ZNF133: variants seen among roughly 807,000 people sequenced by gnomAD.
ZNF133 encodes zinc finger protein 133 (clone pHZ-13).
Under a neutral mutation model 54.9 loss-of-function variants are expected in ZNF133, and 26 were observed. The observed-to-expected ratio is 0.47, with a 90% CI of 0.35 to 0.66. The LOEUF is 0.66. Ranked by LOEUF, ZNF133 falls within the 30% of genes least tolerant of loss-of-function variation. The pLI is 0.01. For missense variants in ZNF133, 653 were observed against 820.8 expected (o/e 0.80, Z 2.50); for synonymous variants, 298 against 320.3 (o/e 0.93, Z 0.74).
intron 6 of ZNF133, chr20:18,310,315 T>C: frequency 6.5e-7 from 1 of 1,531,048 alleles, no homozygotes; most frequent in Non-Finnish European, 8.7e-7. Flanking sequence ...AGGTATAAAA[T>C]ACATCTTAAC....
At chr20:18,310,023 A>G in intron 6 of ZNF133, 2 of 775,150 alleles carry the variant, frequency 2.6e-6, no homozygotes, top group Non-Finnish European at 3.4e-6. Context: ...TGACCTTTGT[A>G]CATTTACACA....
chr20:18,298,157 C>T, intron 2 of ZNF133, 95 bp downstream of exon 2: 3 of 1,524,240 alleles, frequency 2.0e-6, no homozygotes, highest in Non-Finnish European at 2.6e-6. Flanking sequence ...TAGAGTTCAG[C>T]TCCAATTCCT....
chr20:18,311,977 A>G (rs2046134434), intron 6 of ZNF133, among the ~76,000 whole-genome samples: 1 of 152,206 alleles, frequency 6.6e-6, no homozygotes, highest in Non-Finnish European at 1.5e-5. Context: ...CAAAATGCTT[A>G]GGACCATAAG....
chr20:18,295,360 A>G (rs1212842828), intron 1 of ZNF133: 1 of 152,474 alleles, frequency 6.6e-6, no homozygotes, highest in Non-Finnish European at 1.5e-5. Flanking sequence ...ATGAGGGAGG[A>G]AGAGGATACC....
In ZNF133 at chr20:18,315,090, A is replaced by G. The variant is rs368522460; in HGVS notation, c.239A>G (p.Tyr80Cys). The G allele has an allele frequency of 7.1e-6, 11 of 1,545,388 alleles. No homozygotes were observed. The African/African-American group carries it at 1.2e-4, about 17-fold the overall frequency. The part of the protein sequence containing the change: ...TCPADPEPEL[Y>C]LDPFCPPGFS... Reference sequence around the variant, plus strand: ...GCAGCAGATCCAGAGCCAGAGCTCTACCTCGATCCTTTCTGCCCTCCGGGT... The same window carrying G: ...GCAGCAGATCCAGAGCCAGAGCTCTGCCTCGATCCTTTCTGCCCTCCGGGT... The change falls in exon 7 of 7, where the codon TAC becomes TGC. Residue 80 changes from tyrosine to cysteine, a missense_variant. Coordinates refer to ENST00000425686, the MANE Select transcript of ZNF133 (RefSeq NM_001352452.2).
intron 6 of ZNF133, 48 bp from the exon 7 acceptor site, chr20:18,315,021 G>C: frequency 6.6e-7 from 1 of 1,504,540 alleles, no homozygotes; most frequent in Non-Finnish European, 8.9e-7. Context: ...TGATTGCTCA[G>C]GCTGCCCACT....
chr20:18,303,599 C>T (rs2043902942), intron 3 of ZNF133, among the ~76,000 whole-genome samples: 1 of 152,112 alleles, frequency 6.6e-6, no homozygotes, highest in African/African-American at 2.4e-5. Context: ...AACAGACTTA[C>T]AGACTAATAG....
chr20:18,302,696 TA>T (rs2043657221), intron 3 of ZNF133, among the ~76,000 whole-genome samples: 1 of 152,124 alleles, frequency 6.6e-6, no homozygotes, highest in African/African-American at 2.4e-5. Flanking sequence ...CCAGAGAAAA[TA>T]AGCAAGAAAA....
chr20:18,313,439 G>T (rs2046576248), intron 6 of ZNF133: 1 of 152,188 alleles, frequency 6.6e-6, no homozygotes, highest in Non-Finnish European at 1.5e-5. Context: ...AAGGGTGGGT[G>T]GGAGGTATTA....
chr20:18,299,516 A>G (rs2042919620), intron 3 of ZNF133, among the ~76,000 whole-genome samples: 1 of 152,206 alleles, frequency 6.6e-6, no homozygotes, highest in Non-Finnish European at 1.5e-5. Context: ...GGACAGAGAG[A>G]TTGTTTGAAG....
chr20:18,299,653 CA>C (rs769714063), intron 3 of ZNF133, among the ~76,000 whole-genome samples: 30 of 152,234 alleles, frequency 2.0e-4, no homozygotes, highest in South Asian at 4.2e-4. Context: ...ATCAAAGCAT[CA>C]AAAGCCAAAG....
At chr20:18,294,669 T>G (rs1264690544) in intron 1 of ZNF133, among the ~76,000 whole-genome samples, 2 of 152,190 alleles carry the variant, frequency 1.3e-5, no homozygotes, top group Admixed American at 6.5e-5. Flanking sequence ...TTTTGTTTTG[T>G]TTTTTGAAGA....
intron 1 of ZNF133, 125 bp from the exon 2 acceptor site, chr20:18,297,860 T>C (rs2147107325): frequency 1.7e-6 from 1 of 604,188 alleles, no homozygotes; most frequent in Middle Eastern, 2.9e-4. Context: ...TATCTTTTCC[T>C]TGCTTTATAC....
At chr20:18,290,624 T>G (rs1007186949) in intron 1 of ZNF133, among the ~76,000 whole-genome samples, 1 of 152,174 alleles carries the variant, frequency 6.6e-6, no homozygotes. Flanking sequence ...AAAAAAATCT[T>G]TTTTTTCCAC....
rs762156134 is a variant in ZNF133, at chr20:18,306,256, G to A, written c.122-42G>A. 7.6e-6 allele frequency: 12 copies of A among 1,576,264 alleles called. No individual in the cohort carries two copies. In the African/African-American group the frequency reaches 9.4e-5, roughly 12 times the overall value. On this transcript the variant is annotated intron_variant, in intron 5 of 6. Coordinates refer to ENST00000425686, the MANE Select transcript of ZNF133 (RefSeq NM_001352452.2). ...GCTTTGAATTCTTGAATGGGCTCTT[G>A]AGCCCATAACCTAGTTACTTATTTT...
chr20:18,315,780 A>G lies in ZNF133; in HGVS notation c.929A>G (p.Lys310Arg), dbSNP rs2047322244. ...GAGTGTGGGCGAGGCTTCAGCCAGA[A>G]GTCAAACCTCATCATACACCAGAGG... is the stretch of plus-strand genomic sequence containing the variant. ...CSECGRGFSQ[K>R]SNLIIHQRTH... The change falls in exon 7 of 7, where the codon AAG (lysine) becomes AGG (arginine). Residue 310 changes from lysine to arginine, a missense_variant. By Grantham distance (26) the Lys-to-Arg change is conservative (BLOSUM62 2). Coordinates refer to ENST00000425686, the MANE Select transcript of ZNF133 (RefSeq NM_001352452.2). 1 of 1,613,460 alleles carries G rather than the reference A, an allele frequency of 6.2e-7. No homozygotes were observed. The highest frequency in any genetic ancestry group is 8.5e-7 in the Non-Finnish European group (1 of 1,179,838).
chr20:18,304,513 A>G (rs2044166077), intron 3 of ZNF133, among the ~76,000 whole-genome samples: 1 of 152,252 alleles, frequency 6.6e-6, no homozygotes, highest in Non-Finnish European at 1.5e-5. Flanking sequence ...GTGCATAAAC[A>G]AAATGTAGTA....
intron 1 of ZNF133, among the ~76,000 whole-genome samples, chr20:18,294,793 GTCTTGCAA>G (rs1183205409): frequency 6.6e-6 from 1 of 152,168 alleles, no homozygotes; most frequent in Admixed American, 6.5e-5. Context: ...AATTGAACCA[GTCTTGCAA>G]TCCTGGGTAA....
At chr20:18,314,022 A>T (rs1353700269) in intron 6 of ZNF133, 2 of 152,376 alleles carry the variant, frequency 1.3e-5, no homozygotes, top group South Asian at 2.1e-4. Flanking sequence ...AGAAGGGAAG[A>T]CATTCACTTG....
Sources: gnomAD v4.1 joint callset for allele counts (sites outside exome capture counted in the v4.1 genomes callset) on GRCh38, gnomAD v4.1.1 for gene constraint, MANE v1.5 for transcripts, NCBI Gene and HGNC (gene_info 2026-07-23, HGNC 2026-07-21) for gene names.